Variants in RNF169 observed in about 807,000 individuals in gnomAD.
RNF169 encodes the protein ring finger protein 169, also known as E3 ubiquitin-protein ligase RNF169.
In RNF169, 24 loss-of-function variants were observed where a neutral mutation model predicts 53.9. The observed-to-expected ratio is 0.45, with a 90% CI of 0.32 to 0.63. The LOEUF is 0.63. RNF169 is among the 20% of genes least tolerant of loss of function. The pLI is 0.04. For synonymous variants in RNF169, 396 were observed against 363.5 expected (o/e 1.09, Z -1.02); for missense variants, 883 against 906.2 (o/e 0.97, Z 0.33).
intron 1 of RNF169, among the ~76,000 whole-genome samples, chr11:74,783,761 G>A (rs1213859186): frequency 2.0e-5 from 3 of 152,116 alleles, no homozygotes; most frequent in African/African-American, 4.8e-5. Flanking sequence ...CTTTTCGGGT[G>A]GAGGAAGCTG....
At chr11:74,751,552 T>C (rs2034895604) in intron 1 of RNF169, among the ~76,000 whole-genome samples, 1 of 152,232 alleles carries the variant, frequency 6.6e-6, no homozygotes, top group African/African-American at 2.4e-5. Context: ...GGCTTGATGA[T>C]TTGTGCAAAC....
At chr11:74,769,240 CTG>C (rs1438262311) in intron 1 of RNF169, among the ~76,000 whole-genome samples, 7 of 152,144 alleles carry the variant, frequency 4.6e-5, no homozygotes, top group Admixed American at 1.3e-4. Flanking sequence ...AAGAAGGAAA[CTG>C]AAAGTCTGGT....
At chr11:74,759,750 A>G (rs1203483823) in intron 1 of RNF169, among the ~76,000 whole-genome samples, 3 of 147,590 alleles carry the variant, frequency 2.0e-5, no homozygotes, top group Admixed American at 2.0e-4. Context: ...ATGTTCATCA[A>G]GGATATTGGT....
At chr11:74,749,815 T>G (rs957063361) in intron 1 of RNF169, among the ~76,000 whole-genome samples, 1 of 151,986 alleles carries the variant, frequency 6.6e-6, no homozygotes, top group Non-Finnish European at 1.5e-5. Context: ...ATCCGGAGTT[T>G]AGGGAACAGG....
Position 74,835,942 on chromosome 11 carries a change from C to T in RNF169, c.1339C>T (p.Leu447Phe). 6.2e-7 allele frequency: 1 copy of T among 1,614,170 alleles called. No individual in the cohort carries two copies. Among genetic ancestry groups the T allele is most frequent in the East Asian group, 2.2e-5 (1 of 44,880 alleles). ...TCAGGAGCGGCAGATCAAAAAGACC[C>T]TTTCAAAAGCCACTCTTACCTCTCT... ...IFQERQIKKT[L>F]SKATLTSLAP... Residue 447 changes from leucine (L) to phenylalanine (F), a missense_variant, in exon 6 of 6, where the codon CTT (leucine) becomes TTT (phenylalanine). Transcript: ENST00000299563.
chr11:74,753,036 T>A (rs1380662662), intron 1 of RNF169, among the ~76,000 whole-genome samples: 1 of 152,220 alleles, frequency 6.6e-6, no homozygotes, highest in Non-Finnish European at 1.5e-5. Context: ...TGGCATGATC[T>A]CGGTTCACCG....
At chr11:74,823,490 C>T (rs1397352540) in intron 4 of RNF169, among the ~76,000 whole-genome samples, 1 of 152,080 alleles carries the variant, frequency 6.6e-6, no homozygotes, top group Admixed American at 6.5e-5. Flanking sequence ...AATCCTAGCA[C>T]TTTGGGAGGC....
chr11:74,749,742 G>T (rs1475033795), intron 1 of RNF169, among the ~76,000 whole-genome samples: 1 of 152,076 alleles, frequency 6.6e-6, no homozygotes, highest in Non-Finnish European at 1.5e-5. Flanking sequence ...AAGAGTTTGG[G>T]GGTCATATTG....
chr11:74,776,390 T>C (rs2035335666), intron 1 of RNF169, among the ~76,000 whole-genome samples: 1 of 151,946 alleles, frequency 6.6e-6, no homozygotes, highest in African/African-American at 2.4e-5. Flanking sequence ...CTTTAATAAA[T>C]TCACCTTTGC....
At chr11:74,807,629 G>T (rs886597640) in intron 2 of RNF169, 1 of 152,058 alleles carries the variant, frequency 6.6e-6, no homozygotes, top group Non-Finnish European at 1.5e-5. Context: ...CTTAATTTTT[G>T]TCTCTATAAA....
chr11:74,769,433 G>A (rs2035226506), intron 1 of RNF169, among the ~76,000 whole-genome samples: 1 of 152,190 alleles, frequency 6.6e-6, no homozygotes, highest in Non-Finnish European at 1.5e-5. Context: ...GCCATATCTA[G>A]TAAGGTTGAA....
intron 1 of RNF169, among the ~76,000 whole-genome samples, chr11:74,780,479 A>G (rs1035474359): frequency 6.6e-6 from 1 of 152,232 alleles, no homozygotes; most frequent in Non-Finnish European, 1.5e-5. Context: ...CTTAATGCCT[A>G]ACATAATTCA....
chr11:74,766,200 A>G lies in RNF169; in HGVS notation c.502+16818A>G, dbSNP rs558340643. Among the ~76,000 whole-genome samples, 9 of 152,348 alleles carry G rather than the reference A, an allele frequency of 5.9e-5. No individual in the cohort carries two copies. The South Asian group carries it at 1.9e-3, about 32-fold the overall frequency. The stretch of plus-strand genomic sequence containing the variant: ...TGGCAGCTGACTCAAGAATAAATAG[A>G]AAGTATGACTAGAAATGTAACTAAT... On this transcript the variant is annotated intron_variant, in intron 1 of 5. Coordinates refer to ENST00000299563, the MANE Select transcript of RNF169 (RefSeq NM_001098638.2).
intron 1 of RNF169, among the ~76,000 whole-genome samples, chr11:74,782,066 T>G (rs2035424227): frequency 6.6e-6 from 1 of 152,236 alleles, no homozygotes; most frequent in Non-Finnish European, 1.5e-5. Context: ...GTTCATCTTT[T>G]GGCTTTGTTT....
chr11:74,771,795 A>G (rs1591395113), intron 1 of RNF169, among the ~76,000 whole-genome samples: 1 of 152,118 alleles, frequency 6.6e-6, no homozygotes, highest in East Asian at 1.9e-4. Context: ...GCTCATGCCT[A>G]TGATCCCAAT....
At chr11:74,798,190 G>C (rs768749197) in intron 2 of RNF169, among the ~76,000 whole-genome samples, 7 of 152,210 alleles carry the variant, frequency 4.6e-5, no homozygotes, top group Non-Finnish European at 1.0e-4. Flanking sequence ...GGAAACGAGA[G>C]ATAACCTTAA....
rs1351852433 is a variant in RNF169, at chr11:74,836,097, T to G, written c.1494T>G (p.Ser498=). The G allele has an allele frequency of 6.8e-6, 11 of 1,614,092 alleles. No individual in the cohort carries two copies. The highest frequency in any genetic ancestry group is 9.3e-6 in the Non-Finnish European group (11 of 1,180,040). Residue 498 remains serine (S), a synonymous_variant, in exon 6 of 6, where the codon TCT becomes TCG. Transcript: ENST00000299563. ...TCTCTGAGTATACTGGACCCACCTC[T>G]GCTGATCTTGATCATTTCCCCTCTG... The part of the protein sequence containing the change: ...QVLSEYTGPT[S]ADLDHFPSVS...
rs1044487114 is a variant in RNF169, at chr11:74,774,325, GAC to G, written c.503-15299_503-15298del. Among the ~76,000 whole-genome samples, 10 of 148,252 alleles carry G rather than the reference GAC, an allele frequency of 6.7e-5. 1 individual carries two copies. Among genetic ancestry groups the G allele is most frequent in the Admixed American group, 5.5e-4 (8 of 14,636 alleles). On this transcript the variant is annotated intron_variant, in intron 1 of 5. Transcript: ENST00000299563. ...GACACTACTGCAGTCCAGCCTGGAT[GAC>G]AGAGTGAGACCCTGTTTCAAAAAAA... is the stretch of plus-strand genomic sequence containing the variant.
At chr11:74,753,911 A>T (rs1358183120) in intron 1 of RNF169, among the ~76,000 whole-genome samples, 1 of 152,080 alleles carries the variant, frequency 6.6e-6, no homozygotes, top group East Asian at 1.9e-4. Flanking sequence ...TAATTCTTTT[A>T]TGCATTCACG....
Sources: allele counts gnomAD v4.1 joint callset (sites outside exome capture counted in the v4.1 genomes callset), GRCh38; gene constraint gnomAD v4.1.1; transcripts MANE v1.5; gene names NCBI Gene and HGNC (gene_info 2026-07-23, HGNC 2026-07-21).